CDH4: variants seen among roughly 807,000 people sequenced by gnomAD.
CDH4 encodes the protein cadherin-4.
Under a neutral mutation model 86.0 loss-of-function variants are expected in CDH4, and 33 were observed. That is an observed-to-expected ratio of 0.38 (90% CI 0.29 to 0.51). The LOEUF is 0.51. Among genes scored for constraint, CDH4 ranks in the 20% least tolerant of loss-of-function variants. The pLI, the probability that CDH4 is intolerant of heterozygous loss-of-function variation, is 0.86. For synonymous variants in CDH4, 555 were observed against 549.4 expected (o/e 1.01, Z -0.14); for missense variants, 1,114 against 1,307.4 (o/e 0.85, Z 2.28).
intron 2 of CDH4, among the ~76,000 whole-genome samples, chr20:61,477,785 T>A (rs2085547171): frequency 6.6e-6 from 1 of 152,080 alleles, no homozygotes; most frequent in African/African-American, 2.4e-5. Flanking sequence ...AGCTCATGTG[T>A]CTTTCCCCGA....
rs2085844921 is a variant in CDH4, at chr20:61,518,751, A to ATTCGTACATCCACCCATCATCCATCCT, written c.170-224808_170-224782dup. On this transcript the variant is annotated intron_variant, in intron 2 of 15. Coordinates refer to ENST00000614565, the MANE Select transcript of CDH4 (RefSeq NM_001794.5). The surrounding 1 kb of genome is among the most constrained non-coding windows in gnomAD (Gnocchi z 6.3). ...CCACCCATCATCCATTCATCCATCC[A>ATTCGTACATCCACCCATCATCCATCCT]TTCGTACATCCACCCATCATCCATC... 1.3e-5 allele frequency among the ~76,000 whole-genome samples: 2 copies of ATTCGTACATCCACCCATCATCCATCCT among 149,316 alleles called. No homozygotes were observed. The highest frequency in any genetic ancestry group is 3.0e-5 in the Non-Finnish European group (2 of 67,406).
chr20:61,399,567 A>G (rs112835978), intron 2 of CDH4, among the ~76,000 whole-genome samples: 8,740 of 151,794 alleles, frequency 0.058, 308 homozygotes, highest in Non-Finnish European at 0.068. Context: ...CAGCCTTTGC[A>G]CCCCCTCTGC....
intron 2 of CDH4, among the ~76,000 whole-genome samples, chr20:61,656,307 ACGTGCTGAAGTGGGCAGGCG>A (rs1472084570): frequency 5.1e-5 from 3 of 58,546 alleles, no homozygotes; most frequent in Non-Finnish European, 9.3e-5. Flanking sequence ...GTGGGTAGGC[ACGTGCTGAAGTGGGCAGGCG>A]CGTGCTGGGG....
At chr20:61,711,791 CAT>C (rs1393707208) in intron 2 of CDH4, among the ~76,000 whole-genome samples, 1 of 152,118 alleles carries the variant, frequency 6.6e-6, no homozygotes, top group Non-Finnish European at 1.5e-5. Context: ...GGGGCTGAAA[CAT>C]ACAAGATATA....
intron 4 of CDH4, among the ~76,000 whole-genome samples, chr20:61,804,566 C>G (rs1369318552): frequency 1.3e-5 from 2 of 152,236 alleles, no homozygotes; most frequent in African/African-American, 4.8e-5. Flanking sequence ...CTGCCCTCTC[C>G]TTACCATATG....
chr20:61,771,587 G>A (rs529850961), intron 3 of CDH4, among the ~76,000 whole-genome samples: 7 of 141,388 alleles, frequency 5.0e-5, no homozygotes, highest in Non-Finnish European at 1.5e-5. Context: ...TCGTATCACT[G>A]CTCCAGCCTG....
chr20:61,681,034 T>C lies in CDH4; in HGVS notation c.170-62529T>C, dbSNP rs4925193. Among the ~76,000 whole-genome samples, 25,202 of 152,184 alleles carry C rather than the reference T, an allele frequency of 0.17. 2,429 individuals are homozygous for C. Among genetic ancestry groups the C allele is most frequent in the African/African-American group, 0.26 (10,814 of 41,488 alleles). The stretch of plus-strand genomic sequence containing the variant: ...TCTTTGGGAAGACAAATAGGTGACA[T>C]TCCAGAAAGAAACATGTAGCTTCTC... On this transcript the variant is annotated intron_variant, in intron 2 of 15. Transcript: ENST00000614565. This position sits in a 1 kb window ranked among gnomAD's most constrained non-coding sequence, Gnocchi z 4.5.
Position 61,734,467 on chromosome 20 carries a change from C to T in CDH4, c.170-9096C>T, listed in dbSNP as rs79355217. ...AAGCACCGTGGCAGTGCGCTTGTGA[C>T]ATGCTTTGCATTGGGGCATCTACTA... On this transcript the variant is annotated intron_variant, in intron 2 of 15. Transcript: ENST00000614565. Among the ~76,000 whole-genome samples, 957 of 152,368 alleles carry T rather than the reference C, an allele frequency of 6.3e-3. 18 individuals carry two copies. In the East Asian group the frequency reaches 0.072, roughly 11 times the overall value.
At chr20:61,595,516 C>T (rs1225578199) in intron 2 of CDH4, among the ~76,000 whole-genome samples, 1 of 152,104 alleles carries the variant, frequency 6.6e-6, no homozygotes, top group Non-Finnish European at 1.5e-5. Flanking sequence ...GGGAACACCC[C>T]GTGGGGCCCT....
intron 2 of CDH4, among the ~76,000 whole-genome samples, chr20:61,704,629 G>T (rs1490728075): frequency 6.6e-6 from 1 of 152,240 alleles, no homozygotes; most frequent in Admixed American, 6.5e-5. Context: ...CACCCCTGGT[G>T]TCCACAGAGC....
Position 61,783,760 on chromosome 20 carries a change from G to T in CDH4, c.576+10578G>T, listed in dbSNP as rs868022793. Among the ~76,000 whole-genome samples the T allele has an allele frequency of 7.1e-4, 77 of 107,986 alleles. 3 individuals carry two copies. The highest frequency in any genetic ancestry group is 2.1e-3 in the African/African-American group (62 of 29,584). The allele number at this position is 107,986 out of a possible 152,430, so 70.8% of individuals were successfully genotyped here. ...TCCTGTGCCCCCGGGAGAAATGTAA[G>T]CCTAGTTCCTCGGGACAGTTCTCGA... On this transcript the variant is annotated intron_variant, in intron 4 of 15. Transcript: ENST00000614565.
chr20:61,713,690 A>G lies in CDH4; in HGVS notation c.170-29873A>G, dbSNP rs575569709. Among the ~76,000 whole-genome samples the G allele has an allele frequency of 8.5e-5, 13 of 152,344 alleles. No homozygotes were observed. The South Asian group carries it at 2.7e-3, about 32-fold the overall frequency. On this transcript the variant is annotated intron_variant, in intron 2 of 15. Coordinates refer to ENST00000614565, the MANE Select transcript of CDH4 (RefSeq NM_001794.5). ...GGGCTGCCCCCCACTGCCCTGCTGT[A>G]TCATATGAGCCTCCGTTTCCCCATG...
At chr20:61,665,925 C>T (rs1391522063) in intron 2 of CDH4, among the ~76,000 whole-genome samples, 2 of 152,100 alleles carry the variant, frequency 1.3e-5, no homozygotes, top group Non-Finnish European at 2.9e-5. Context: ...GGGGCACCTG[C>T]GGCTACATAT....
chr20:61,900,640 G>C (rs923338390), intron 8 of CDH4, among the ~76,000 whole-genome samples: 4 of 152,206 alleles, frequency 2.6e-5, no homozygotes, highest in Admixed American at 1.3e-4. Flanking sequence ...CCCTCAGCCT[G>C]GGGGTCAAGA....
At chr20:61,270,752 C>T (rs1185888385) in intron 2 of CDH4, among the ~76,000 whole-genome samples, 1 of 152,130 alleles carries the variant, frequency 6.6e-6, no homozygotes, top group East Asian at 1.9e-4. Flanking sequence ...TCGTATCCTT[C>T]GTAAATGGTA....
chr20:61,467,135 T>A (rs937258930), intron 2 of CDH4, among the ~76,000 whole-genome samples: 1 of 152,240 alleles, frequency 6.6e-6, no homozygotes, highest in Non-Finnish European at 1.5e-5. Context: ...AAATCATCTC[T>A]ATTTCACAGA....
intron 2 of CDH4, among the ~76,000 whole-genome samples, chr20:61,408,852 C>G (rs2085098918): frequency 6.6e-6 from 1 of 152,162 alleles, no homozygotes; most frequent in Non-Finnish European, 1.5e-5. Context: ...CCTCAGTACC[C>G]CAGGCCCTCA....
chr20:61,562,778 A>G (rs2086230321), intron 2 of CDH4, among the ~76,000 whole-genome samples: 1 of 152,232 alleles, frequency 6.6e-6, no homozygotes. Flanking sequence ...TTAAAAAGTT[A>G]AATCGGCTCT....
chr20:61,807,120 G>T lies in CDH4; in HGVS notation c.576+33938G>T, dbSNP rs895735523. ...TGAGCTCCCAGGGCCCCGCAGCCCCGCCAGCCCCCAGCTGCAAGGCCAGTG... is the reference window on the plus strand; with the variant it reads ...TGAGCTCCCAGGGCCCCGCAGCCCCTCCAGCCCCCAGCTGCAAGGCCAGTG... On this transcript the variant is annotated intron_variant, in intron 4 of 15. Coordinates refer to ENST00000614565, the MANE Select transcript of CDH4 (RefSeq NM_001794.5). This position sits in a 1 kb window ranked among gnomAD's most constrained non-coding sequence, Gnocchi z 4.5. Among the ~76,000 whole-genome samples the T allele has an allele frequency of 6.6e-6, 1 of 152,220 alleles. No individual in the cohort carries two copies. Among genetic ancestry groups the T allele is most frequent in the Non-Finnish European group, 1.5e-5 (1 of 68,038 alleles).
Sources: gnomAD v4.1 joint callset for allele counts (sites outside exome capture counted in the v4.1 genomes callset) on GRCh38, gnomAD v4.1.1 for gene constraint, Gnocchi (gnomAD v3.1) non-coding constraint, MANE v1.5 for transcripts, NCBI Gene and HGNC (gene_info 2026-07-23, HGNC 2026-07-21) for gene names.